The following PLEKHH1 variants were observed in gnomAD, a reference collection of about 807,000 sequenced individuals.
PLEKHH1 encodes pleckstrin homology, MyTH4 and FERM domain containing H1.
A neutral mutation model predicts 160.0 loss-of-function variants in PLEKHH1; 104 were observed. The ratio of observed to expected loss-of-function variants is 0.65; its 90% confidence interval spans 0.55 to 0.76. The LOEUF (loss-of-function observed/expected upper bound fraction) is 0.76. Ranked by LOEUF, PLEKHH1 falls within the 30% of genes least tolerant of loss-of-function variation. The pLI, the probability that PLEKHH1 is intolerant of heterozygous loss-of-function variation, is 0.00. For synonymous variants in PLEKHH1, 619 were observed against 678.4 expected (o/e 0.91, Z 1.36); for missense variants, 1,427 against 1,724.1 (o/e 0.83, Z 3.05).
chr14:67,584,992 A>G (rs1178380277), intron 26 of PLEKHH1: 1 of 152,250 alleles, frequency 6.6e-6, no homozygotes, highest in Admixed American at 6.5e-5. Flanking sequence ...TAAGAGAGAG[A>G]TTTTCTGGAT....
At position 67,584,091 on chromosome 14, in the gene PLEKHH1, GC is replaced by G; in HGVS notation, c.3668del (p.Pro1223LeufsTer27). On this transcript the variant is annotated frameshift_variant, in exon 26 of 29. Coordinates refer to ENST00000329153, the MANE Select transcript of PLEKHH1 (RefSeq NM_020715.3). LOFTEE classifies it high-confidence loss of function. ...RIYLTVARKW[P>X]FFGAKLFAAQ... ...TCTACCTGACCGTGGCCAGGAAATG[GC>G]CTTTCTTTGGTGCTAAACTTTTTGC... 2.5e-6 allele frequency: 4 copies of G among 1,613,912 alleles called. No individual in the cohort carries two copies. The South Asian group carries it at 4.4e-5, about 18-fold the overall frequency.
At position 67,559,695 on chromosome 14, in the gene PLEKHH1, G is replaced by A. The variant is rs1387804589; in HGVS notation, c.423+4G>A. On this transcript the variant is annotated splice_donor_region_variant and intron_variant, in intron 5 of 28. Coordinates refer to ENST00000329153, the MANE Select transcript of PLEKHH1 (RefSeq NM_020715.3). ...GGTGACACTCAAGTTGGCAAAGGTG[G>A]GTTGGAAACTCATCTTGGAGGCCTG... The A allele has an allele frequency of 4.4e-6, 7 of 1,593,790 alleles. No homozygotes were observed. Among genetic ancestry groups the A allele is most frequent in the Non-Finnish European group, 6.0e-6 (7 of 1,167,250 alleles).
At chr14:67,566,231 T>C (rs748210425) in intron 7 of PLEKHH1, among the ~76,000 whole-genome samples, 1 of 152,164 alleles carries the variant, frequency 6.6e-6, no homozygotes. Context: ...CCTGTAAGAC[T>C]GGAGACCCAG....
intron 4 of PLEKHH1, 79 bp downstream of exon 4, chr14:67,557,497 G>A (rs1056076768): frequency 2.4e-5 from 34 of 1,388,354 alleles, no homozygotes; most frequent in East Asian, 6.9e-5. Flanking sequence ...GAGCTGTTCC[G>A]CTCAAGCCCT....
intron 2 of PLEKHH1, among the ~76,000 whole-genome samples, chr14:67,552,576 G>T (rs1444754454): frequency 2.0e-5 from 3 of 152,080 alleles, no homozygotes; most frequent in Non-Finnish European, 2.9e-5. Context: ...GACCATCTTG[G>T]CTAACACGGT....
rs1198449918 is a variant in PLEKHH1, at chr14:67,560,752, C to T, written c.423+1061C>T. ...CTTTTTTTTTTTTTTTTTTTTGAGA[C>T]GGAGTCTCGCTCTTGTTTCCCAGGC... On this transcript the variant is annotated intron_variant, in intron 5 of 28. Transcript: ENST00000329153. Among the ~76,000 whole-genome samples the T allele has an allele frequency of 5.1e-5, 6 of 117,616 alleles. No individual in the cohort carries two copies. In the East Asian group the frequency reaches 6.8e-4, roughly 13 times the overall value. The allele number at this position is 117,616 out of a possible 152,430, so 77.2% of individuals were successfully genotyped here. A position where few individuals can be genotyped will look rare whatever the true frequency, so the allele number is the denominator to read the frequency against.
At position 67,587,181 on chromosome 14, in the gene PLEKHH1, A is replaced by G. The variant is rs370176382; in HGVS notation, c.4041A>G (p.Gly1347=). 29 of 1,613,654 alleles carry G rather than the reference A, an allele frequency of 1.8e-5. No homozygotes were observed. In the African/African-American group the frequency reaches 3.3e-4, roughly 19 times the overall value. The part of the protein sequence containing the change: ...PGACQLWELD[G]RQFFSSVSCA... ...CCTGCCAGCTGTGGGAACTGGATGG[A>G]CGACAGTTCTTTTCTTCTGTTTCCT... The change falls in exon 29 of 29, where the codon GGA becomes GGG. Residue 1347 remains glycine, a synonymous_variant. Transcript: ENST00000329153.
chr14:67,557,602 A>T (rs1476390521), intron 4 of PLEKHH1, among the ~76,000 whole-genome samples, 184 bp downstream of exon 4: 1 of 152,250 alleles, frequency 6.6e-6, no homozygotes, highest in Non-Finnish European at 1.5e-5. Flanking sequence ...GCTCATTAGA[A>T]GCCAGGCAGG....
At position 67,550,037 on chromosome 14, in the gene PLEKHH1, G is replaced by T. The variant is rs368501758; in HGVS notation, c.127-5788G>T. ...TGTGGCCCAGAGAGGTTCTGGGGTT[G>T]TGGGGTACAGTGGAGCCCACAGACA... On this transcript the variant is annotated intron_variant, in intron 2 of 28. Coordinates refer to ENST00000329153, the MANE Select transcript of PLEKHH1 (RefSeq NM_020715.3). 1.1e-4 allele frequency among the ~76,000 whole-genome samples: 16 copies of T among 152,236 alleles called. 1 individual carries two copies. The highest frequency in any genetic ancestry group is 5.2e-4 in the Admixed American group (8 of 15,304).
At chr14:67,551,753 G>T (rs2034400093) in intron 2 of PLEKHH1, among the ~76,000 whole-genome samples, 1 of 152,126 alleles carries the variant, frequency 6.6e-6, no homozygotes, top group Admixed American at 6.5e-5. Context: ...GCCAGGCGTG[G>T]TGGTGCACGT....
intron 23 of PLEKHH1, 91 bp downstream of exon 23, chr14:67,581,129 C>A: frequency 1.2e-6 from 1 of 802,390 alleles, no homozygotes; most frequent in Non-Finnish European, 2.2e-6. Flanking sequence ...CCTATCCAGA[C>A]GGGGGGAGGG....
chr14:67,577,159 A>G (rs2140501552), intron 17 of PLEKHH1, 143 bp from the exon 18 acceptor site: 3 of 643,190 alleles, frequency 4.7e-6, no homozygotes, highest in Admixed American at 2.3e-5. Flanking sequence ...CCCACACTCT[A>G]TGGATGATAA....
At chr14:67,537,709 TG>T (rs1424197035) in intron 1 of PLEKHH1, among the ~76,000 whole-genome samples, 4 of 152,174 alleles carry the variant, frequency 2.6e-5, no homozygotes, top group African/African-American at 9.7e-5. Flanking sequence ...TGTCAGTTTC[TG>T]CTCAAAATCC....
intron 9 of PLEKHH1, chr14:67,570,339 G>A: frequency 9.7e-7 from 1 of 1,031,462 alleles, no homozygotes; most frequent in Non-Finnish European, 1.2e-6. Flanking sequence ...AATTACTGAG[G>A]TATATTCCAA....
chr14:67,567,154 G>A (rs893128900), intron 7 of PLEKHH1, among the ~76,000 whole-genome samples: 8 of 152,062 alleles, frequency 5.3e-5, no homozygotes, highest in African/African-American at 1.7e-4. Flanking sequence ...TCCGTGTTCC[G>A]GGGAGAGCTT....
intron 10 of PLEKHH1, 106 bp downstream of exon 10, chr14:67,572,008 C>G (rs1437124873): frequency 5.4e-6 from 8 of 1,480,910 alleles, no homozygotes; most frequent in Non-Finnish European, 7.3e-6. Context: ...GCTCGTGACC[C>G]CCCAGCAGCT....
At chr14:67,580,092 T>A (rs1358908276) in intron 22 of PLEKHH1, 15 of 530,202 alleles carry the variant, frequency 2.8e-5, no homozygotes, top group Non-Finnish European at 5.1e-5. Flanking sequence ...ACAAGATCGC[T>A]ACACACCTAC....
chr14:67,560,567 T>C (rs1170524780), intron 5 of PLEKHH1, among the ~76,000 whole-genome samples: 1 of 152,136 alleles, frequency 6.6e-6, no homozygotes, highest in Non-Finnish European at 1.5e-5. Context: ...TATTCCACCT[T>C]CCCTCTCTAT....
At chr14:67,542,549 T>A (rs1309727166) in intron 2 of PLEKHH1, among the ~76,000 whole-genome samples, 7 of 152,184 alleles carry the variant, frequency 4.6e-5, no homozygotes, top group Non-Finnish European at 8.8e-5. Flanking sequence ...TTATATCAGA[T>A]CACATATGTA....
Sources: allele counts gnomAD v4.1 joint callset (sites outside exome capture counted in the v4.1 genomes callset), GRCh38; gene constraint gnomAD v4.1.1; transcripts MANE v1.5; gene names NCBI Gene and HGNC (gene_info 2026-07-23, HGNC 2026-07-21).